The following FBXL17 variants were observed in gnomAD, a reference collection of about 807,000 sequenced individuals.
FBXL17 encodes the protein F-box/LRR-repeat protein 17.
FBXL17 carries 22 observed loss-of-function variants against 66.2 expected under a neutral mutation model. The ratio of observed to expected loss-of-function variants is 0.33; its 90% CI spans 0.24 to 0.47. The LOEUF (loss-of-function observed/expected upper bound fraction) is 0.47. FBXL17 is among the 20% of genes least tolerant of loss of function. The probability of loss-of-function intolerance (pLI) is 1.00; values close to 1 mark genes in which losing one functional copy is unlikely to be tolerated. For missense variants in FBXL17, 878 were observed against 948.2 expected (o/e 0.93, Z 0.97); for synonymous variants, 474 against 400.5 (o/e 1.18, Z -2.19).
At chr5:108,026,690 C>G (rs947902971) in intron 6 of FBXL17, among the ~76,000 whole-genome samples, 2 of 152,206 alleles carry the variant, frequency 1.3e-5, no homozygotes, top group Non-Finnish European at 2.9e-5. Context: ...TAAGTTCTCA[C>G]TACCAAATGT....
intron 4 of FBXL17, among the ~76,000 whole-genome samples, chr5:108,313,862 T>C (rs1335782841): frequency 6.6e-6 from 1 of 151,852 alleles, no homozygotes; most frequent in Non-Finnish European, 1.5e-5. Context: ...TATTTTACTA[T>C]ATAAGGTTTA....
chr5:108,140,234 TG>T (rs1303721317), intron 6 of FBXL17, among the ~76,000 whole-genome samples: 1 of 152,130 alleles, frequency 6.6e-6, no homozygotes, highest in Non-Finnish European at 1.5e-5. Flanking sequence ...TCTGTACAGA[TG>T]GGGTCTCACT....
chr5:108,022,570 T>A (rs1754643710), intron 6 of FBXL17, among the ~76,000 whole-genome samples: 1 of 152,026 alleles, frequency 6.6e-6, no homozygotes, highest in South Asian at 2.1e-4. Context: ...AACTAACACA[T>A]CCAATATTTT....
intron 7 of FBXL17, among the ~76,000 whole-genome samples, chr5:107,924,633 G>A (rs1750439765): frequency 6.6e-6 from 1 of 152,184 alleles, no homozygotes; most frequent in Non-Finnish European, 1.5e-5. Context: ...CACTATCAAT[G>A]TACCCAGCAT....
rs1348786784 is a variant in FBXL17 at position 107,860,324 on chromosome 5, TG to T, written c.*1395del. On this transcript the variant is annotated 3_prime_UTR_variant, in exon 9 of 9. Transcript: ENST00000542267. ...ATAGCAACTTCACAAGTTAGGGTTT[TG>T]TTTCTAGTTCTACTGTGAAAGATAA... is the stretch of plus-strand genomic sequence containing the variant. 6.6e-6 allele frequency: 1 copy of T among 152,648 alleles called. No homozygotes were observed. Among genetic ancestry groups the T allele is most frequent in the Non-Finnish European group, 1.5e-5 (1 of 68,024 alleles). The allele number at this position is 152,648 out of a possible 1,614,324, so 9.5% of individuals were successfully genotyped here.
intron 7 of FBXL17, among the ~76,000 whole-genome samples, chr5:107,958,599 C>T (rs17437482): frequency 0.083 from 12,651 of 152,194 alleles, 591 homozygotes; most frequent in South Asian, 0.13. Flanking sequence ...CTCTTATGTG[C>T]TCCTCTGTCC....
intron 4 of FBXL17, among the ~76,000 whole-genome samples, chr5:108,273,388 T>C (rs151298207): frequency 1.6e-3 from 244 of 151,528 alleles, no homozygotes; most frequent in African/African-American, 5.4e-3. Context: ...CAAAAAAGTC[T>C]CTCTGGCCTC....
At chr5:108,367,236 A>G (rs186932418) in intron 2 of FBXL17, among the ~76,000 whole-genome samples, 79 of 152,276 alleles carry the variant, frequency 5.2e-4, no homozygotes, top group African/African-American at 1.8e-3. Flanking sequence ...TGTTTGCAAC[A>G]AACACTACAA....
intron 4 of FBXL17, among the ~76,000 whole-genome samples, chr5:108,277,527 G>A (rs1757531061): frequency 6.6e-6 from 1 of 152,118 alleles, no homozygotes; most frequent in African/African-American, 2.4e-5. Context: ...AACATAAATT[G>A]AAGCAGGAGG....
At position 108,293,259 on chromosome 5, in the gene FBXL17, G is replaced by A. The variant is rs567025558; in HGVS notation, c.1506+55140C>T. 3.6e-3 allele frequency among the ~76,000 whole-genome samples: 544 copies of A among 152,104 alleles called. 2 individuals are homozygous for A. Among genetic ancestry groups the A allele is most frequent in the African/African-American group, 0.013 (521 of 41,484 alleles). On this transcript the variant is annotated intron_variant, in intron 4 of 8. Transcript: ENST00000542267. Reference sequence around the variant, plus strand: ...ATTTCTCATTATAAAGTGAAATATTGTAATACTAATAAGTTATTTTAGAAA... The same window carrying A: ...ATTTCTCATTATAAAGTGAAATATTATAATACTAATAAGTTATTTTAGAAA...
At chr5:107,927,160 A>C (rs953743183) in intron 7 of FBXL17, among the ~76,000 whole-genome samples, 2 of 152,176 alleles carry the variant, frequency 1.3e-5, no homozygotes, top group African/African-American at 2.4e-5. Context: ...ATTTCTCTTA[A>C]ATATTTAAAA....
chr5:107,922,669 A>G (rs1456700459), intron 7 of FBXL17, among the ~76,000 whole-genome samples: 1 of 152,172 alleles, frequency 6.6e-6, no homozygotes, highest in Non-Finnish European at 1.5e-5. Flanking sequence ...TCACACTCAC[A>G]TCTTGGGAAA....
intron 6 of FBXL17, among the ~76,000 whole-genome samples, chr5:108,119,433 A>G (rs984650160): frequency 2.0e-5 from 3 of 152,218 alleles, no homozygotes; most frequent in Non-Finnish European, 2.9e-5. Flanking sequence ...TCAGGTGCCC[A>G]GCCAGCTGTG....
At chr5:108,299,489 T>C (rs892788351) in intron 4 of FBXL17, 9 of 934,378 alleles carry the variant, frequency 9.6e-6, no homozygotes, top group Non-Finnish European at 1.1e-5. Context: ...TAAAAGTTAT[T>C]GAATAAGGAA....
intron 6 of FBXL17, among the ~76,000 whole-genome samples, chr5:108,181,059 A>G (rs1752982299): frequency 6.6e-6 from 1 of 152,202 alleles, no homozygotes; most frequent in Non-Finnish European, 1.5e-5. Flanking sequence ...TTAACAAAAA[A>G]AGAATAAAAG....
At chr5:108,245,591 G>A (rs192867839) in intron 4 of FBXL17, among the ~76,000 whole-genome samples, 1 of 152,002 alleles carries the variant, frequency 6.6e-6, no homozygotes, top group South Asian at 2.1e-4. Context: ...TTTAAATAAG[G>A]TTCTCCAATA....
intron 7 of FBXL17, among the ~76,000 whole-genome samples, chr5:107,933,599 C>T (rs1020076581): frequency 6.6e-6 from 1 of 152,038 alleles, no homozygotes; most frequent in African/African-American, 2.4e-5. Context: ...TAAACAATAC[C>T]CTGTTCCCTG....
rs192994890 is a variant in FBXL17 at position 107,911,675 on chromosome 5, G to C, written c.1823-30496C>G. On this transcript the variant is annotated intron_variant, in intron 7 of 8. Transcript: ENST00000542267. ...CAAATCTCAACTGTTAAGACCTAAA[G>C]CACATAAAGGAATAGATTGAAAAAT... Among the ~76,000 whole-genome samples, 4 of 152,114 alleles carry C rather than the reference G, an allele frequency of 2.6e-5. No homozygotes were observed. In the East Asian group the frequency reaches 7.7e-4, roughly 29 times the overall value.
intron 6 of FBXL17, among the ~76,000 whole-genome samples, chr5:108,102,085 T>C (rs1580443158): frequency 6.6e-6 from 1 of 152,106 alleles, no homozygotes; most frequent in East Asian, 1.9e-4. Context: ...CAGCTTGTAC[T>C]CTGCCCCAAG....
Sources: allele counts gnomAD v4.1 joint callset (sites outside exome capture counted in the v4.1 genomes callset), GRCh38; gene constraint gnomAD v4.1.1; transcripts MANE v1.5; gene names NCBI Gene and HGNC (gene_info 2026-07-23, HGNC 2026-07-21).